MRPL47: variants seen among roughly 807,000 people sequenced by gnomAD.
MRPL47 encodes the protein large ribosomal subunit protein uL29m.
Under a neutral mutation model 34.0 loss-of-function variants are expected in MRPL47, and 31 were observed. That is an observed-to-expected ratio of 0.91 (90% CI 0.68 to 1.23). The LOEUF is 1.23. Ranked by LOEUF, MRPL47 falls within the 50% of genes most tolerant of loss-of-function variation. MRPL47 has a pLI of 0.00. For missense variants in MRPL47, 328 were observed against 285.8 expected, an observed-to-expected ratio of 1.15 and a Z score of -1.07; for synonymous variants, 106 against 101.6, an observed-to-expected ratio of 1.04 and a Z score of -0.26.
At position 179,601,712 on chromosome 3, in the gene MRPL47, T is replaced by C. The variant is rs1193239265; in HGVS notation, c.305+18A>G. The C allele has an allele frequency of 6.0e-6, 9 of 1,499,810 alleles. No homozygotes were observed. The highest frequency in any genetic ancestry group is 1.4e-5 in the African/African-American group (1 of 72,430). The allele number at this position is 1,499,810 out of a possible 1,614,324, so 92.9% of individuals were successfully genotyped here. A position where few individuals can be genotyped will look rare whatever the true frequency, so the allele number is the denominator to read the frequency against. Reference sequence around the variant, plus strand: ...ACGGCTTCAAACGTCTAGATGTTAATGTACTTAGTATACTTACCAAAGTTT... The same window carrying C: ...ACGGCTTCAAACGTCTAGATGTTAACGTACTTAGTATACTTACCAAAGTTT... On this transcript the variant is annotated intron_variant, in intron 3 of 6. Coordinates refer to ENST00000476781, the MANE Select transcript of MRPL47 (RefSeq NM_020409.3).
At chr3:179,594,413 T>C (rs1718748386) in intron 4 of MRPL47, among the ~76,000 whole-genome samples, 1 of 152,218 alleles carries the variant, frequency 6.6e-6, no homozygotes. Context: ...GATGATACTA[T>C]TAAACTTCTA....
chr3:179,600,927 A>G (rs1050961630), intron 3 of MRPL47, among the ~76,000 whole-genome samples: 2 of 152,186 alleles, frequency 1.3e-5, no homozygotes, highest in Admixed American at 6.5e-5. Context: ...CAAACAAAAC[A>G]TATCTTTGGG....
chr3:179,598,622 C>T, intron 4 of MRPL47, 53 bp downstream of exon 4: 5 of 1,097,360 alleles, frequency 4.6e-6, no homozygotes, highest in Non-Finnish European at 7.0e-6. Context: ...CACATACTCA[C>T]TCCTTTTAGC....
rs1333374797 is a variant in MRPL47 at position 179,602,767 on chromosome 3, T to C, written c.129A>G (p.Thr43=). The change falls in exon 2 of 7, where the codon ACA becomes ACG. Residue 43 remains threonine, a synonymous_variant. Transcript: ENST00000476781. ...GFFLSLLPKS[T]PNVTSFHQYR... Reference sequence around the variant, plus strand: ...ATTGGTGAAAGGATGTCACATTTGGTGTACTCTTAGGCAACAAACTAAGAA... The same window carrying C: ...ATTGGTGAAAGGATGTCACATTTGGCGTACTCTTAGGCAACAAACTAAGAA... 1.2e-6 allele frequency: 2 copies of C among 1,611,078 alleles called. No individual in the cohort carries two copies. The highest frequency in any genetic ancestry group is 2.7e-5 in the African/African-American group (2 of 74,796).
At chr3:179,594,011 C>A (rs1164899032) in intron 4 of MRPL47, 116 bp from the exon 5 acceptor site, 4 of 951,738 alleles carry the variant, frequency 4.2e-6, no homozygotes, top group African/African-American at 1.7e-5. Context: ...TGCCAAAGAA[C>A]CACTCTGTTA....
chr3:179,593,660 T>C, intron 5 of MRPL47, 105 bp downstream of exon 5: 1 of 1,026,408 alleles, frequency 9.7e-7, no homozygotes, highest in South Asian at 2.0e-5. Context: ...ATATCTCTAA[T>C]ATTATCTCAT....
chr3:179,593,920 A>AT (rs1353532903), intron 4 of MRPL47, 25 bp from the exon 5 acceptor site: 1 of 1,597,326 alleles, frequency 6.3e-7, no homozygotes, highest in Non-Finnish European at 8.5e-7. Context: ...GAAAGATACA[A>AT]TTTCAACAAT....
At chr3:179,592,609 A>G in intron 6 of MRPL47, 35 bp downstream of exon 6, 1 of 1,287,448 alleles carries the variant, frequency 7.8e-7, no homozygotes, top group Non-Finnish European at 1.1e-6. Context: ...TCTGGTATAA[A>G]GATAATATGT....
In MRPL47 at chr3:179,604,539, G is replaced by A; in HGVS notation, c.86C>T (p.Pro29Leu). 6.2e-7 allele frequency: 1 copy of A among 1,614,144 alleles called. No individual in the cohort carries two copies. Among genetic ancestry groups the A allele is most frequent in the South Asian group, 1.1e-5 (1 of 91,080 alleles). Reference protein sequence around the residue: ...SSRSLITPQVPACTGFFLSLL... With the variant: ...SSRSLITPQVLACTGFFLSLL... ...ATACATCACTTACCCTGTGCAGGCA[G>A]GGACCTGAGGAGTTATTAACGATCG... The change falls in exon 1 of 7, where the codon CCT becomes CTT. Residue 29 changes from proline to leucine, a missense_variant. Physicochemically the swap from Pro to Leu is moderately conservative, Grantham distance 98 (BLOSUM62 -3). Transcript: ENST00000476781.
chr3:179,590,983 T>C (rs1718661275), intron 6 of MRPL47, among the ~76,000 whole-genome samples: 1 of 152,168 alleles, frequency 6.6e-6, no homozygotes, highest in Non-Finnish European at 1.5e-5. Flanking sequence ...AGTAGGGAGA[T>C]GAGTAATTTT....
In MRPL47 at chr3:179,593,897, T is replaced by TTATCTAACCGCTCTG. The variant is rs1576866650; in HGVS notation, c.403-3_403-2insCAGAGCGGTTAGATA. On this transcript the variant is annotated splice_region_variant and splice_polypyrimidine_tract_variant and intron_variant, in intron 4 of 6. Transcript: ENST00000476781. ...TAATGCATCCATGGAATCTACTACC[T>TTATCTAACCGCTCTG]GAAAAGAGAATAGAAAGATACAATT... 6.2e-7 allele frequency: 1 copy of TTATCTAACCGCTCTG among 1,608,802 alleles called. No homozygotes were observed. The highest frequency in any genetic ancestry group is 2.2e-5 in the East Asian group (1 of 44,746).
At chr3:179,602,921 T>G (rs1718962551) in intron 1 of MRPL47, 124 bp from the exon 2 acceptor site, 1 of 808,330 alleles carries the variant, frequency 1.2e-6, no homozygotes, top group Admixed American at 3.2e-5. Context: ...CTACTCAGGG[T>G]TTCTGCACAA....
At chr3:179,597,950 A>G (rs1430096345) in intron 4 of MRPL47, among the ~76,000 whole-genome samples, 1 of 152,248 alleles carries the variant, frequency 6.6e-6, no homozygotes, top group Non-Finnish European at 1.5e-5. Context: ...AAAAGCAGTA[A>G]AAAACTGATC....
chr3:179,593,966 A>T, intron 4 of MRPL47, 71 bp from the exon 5 acceptor site: 1 of 1,376,526 alleles, frequency 7.3e-7, no homozygotes. Flanking sequence ...GAGAATGTAT[A>T]AACACTTCTG....
chr3:179,602,597 G>C lies in MRPL47; in HGVS notation c.244+55C>G, dbSNP rs771008351. On this transcript the variant is annotated intron_variant, in intron 2 of 6. Transcript: ENST00000476781. ...AATCCTAGAACGATGGTTGGGCGGG[G>C]CGGGGGGGGGGGTTCCATAAATATA... The C allele has an allele frequency of 3.6e-4, 247 of 694,860 alleles. 2 individuals are homozygous for C. Among genetic ancestry groups the C allele is most frequent in the Non-Finnish European group, 4.9e-4 (232 of 473,908 alleles). 43.0% of individuals were successfully genotyped at this position (694,860 alleles called of 1,614,324 possible).
intron 6 of MRPL47, among the ~76,000 whole-genome samples, chr3:179,592,305 C>T (rs1443216515): frequency 6.6e-6 from 1 of 152,180 alleles, no homozygotes; most frequent in Non-Finnish European, 1.5e-5. Flanking sequence ...CGCCATTCTC[C>T]TGCCTCAGCC....
chr3:179,601,741 T>C lies in MRPL47; in HGVS notation c.294A>G (p.Leu98=). 1 of 1,604,964 alleles carries C rather than the reference T, an allele frequency of 6.2e-7. No individual in the cohort carries two copies. Among genetic ancestry groups the C allele is most frequent in the Non-Finnish European group, 8.5e-7 (1 of 1,172,058 alleles). The change falls in exon 3 of 7, where the codon TTA becomes TTG. Residue 98 remains leucine, a synonymous_variant. Coordinates refer to ENST00000476781, the MANE Select transcript of MRPL47 (RefSeq NM_020409.3). ...CTTAGTATACTTACCAAAGTTTGTGTAAATCTTCATTACTTTTGTTCCTTA... is the reference window on the plus strand; with the variant it reads ...CTTAGTATACTTACCAAAGTTTGTGCAAATCTTCATTACTTTTGTTCCTTA... ...QQLRNKSNED[L]HKLWYVLLKE... is the part of the protein sequence containing the mutation.
chr3:179,592,794 A>G (rs1560018026), intron 5 of MRPL47, 55 bp from the exon 6 acceptor site: 3 of 1,141,922 alleles, frequency 2.6e-6, no homozygotes, highest in East Asian at 4.7e-5. Flanking sequence ...ATACATTTTC[A>G]CTTTCCTAAT....
intron 1 of MRPL47, among the ~76,000 whole-genome samples, 180 bp downstream of exon 1, chr3:179,604,347 T>A (rs1200498490): frequency 7.2e-5 from 11 of 152,196 alleles, no homozygotes; most frequent in Admixed American, 7.2e-4. Flanking sequence ...GAGGAAGGAA[T>A]AGAAATGTCG....
Sources: allele counts gnomAD v4.1 joint callset (sites outside exome capture counted in the v4.1 genomes callset), GRCh38; gene constraint gnomAD v4.1.1; transcripts MANE v1.5; gene names NCBI Gene and HGNC (gene_info 2026-07-23, HGNC 2026-07-21).